Variants in COL22A1 observed in about 807,000 individuals in gnomAD.
COL22A1 encodes collagen type XXII alpha 1 chain.
A neutral mutation model predicts 248.9 loss-of-function variants in COL22A1; 221 were observed. The observed-to-expected ratio is 0.89, with a 90% CI of 0.80 to 0.99. The LOEUF (loss-of-function observed/expected upper bound fraction) is 0.99. Ranked by LOEUF, COL22A1 falls within the 50% of genes least tolerant of loss-of-function variation. The pLI is 0.00. For missense variants in COL22A1, 2,240 were observed against 2,179.0 expected, an observed-to-expected ratio of 1.03 and a Z score of -0.56; for synonymous variants, 891 against 793.4, an observed-to-expected ratio of 1.12 and a Z score of -2.07.
intron 12 of COL22A1, among the ~76,000 whole-genome samples, chr8:138,785,645 G>C (rs1478507201): frequency 6.6e-6 from 1 of 152,176 alleles, no homozygotes; most frequent in East Asian, 1.9e-4. Flanking sequence ...GATGGGATGG[G>C]CTCCTTTCTC....
Position 138,716,852 on chromosome 8 carries a change from C to A in COL22A1, c.2373G>T (p.Gln791His). 1 of 1,612,414 alleles carries A rather than the reference C, an allele frequency of 6.2e-7. No homozygotes were observed. The highest frequency in any genetic ancestry group is 8.5e-7 in the Non-Finnish European group (1 of 1,178,400). ...TCTCTCCAGGTCGGCCTGCCAGGCC[C>A]TGCTCCCCAATTTCTCCCTGAAAAT... is the stretch of plus-strand genomic sequence containing the variant. Reference protein sequence around the residue: ...KPGLRGEIGEQGLAGRPGEKG... With the variant: ...KPGLRGEIGEHGLAGRPGEKG... Residue 791 changes from glutamine (Q) to histidine (H), a missense_variant, in exon 28 of 65, where the codon CAG (glutamine) becomes CAT (histidine). By Grantham distance (24) the Gln-to-His change is conservative. Coordinates refer to ENST00000303045, the MANE Select transcript of COL22A1 (RefSeq NM_152888.3).
At chr8:138,648,913 G>A (rs1822443948) in intron 46 of COL22A1, among the ~76,000 whole-genome samples, 1 of 152,148 alleles carries the variant, frequency 6.6e-6, no homozygotes, top group African/African-American at 2.4e-5. Context: ...GACTTTATCT[G>A]CTTAGCTATA....
At chr8:138,824,722 ACTCTG>A (rs1819441534) in intron 6 of COL22A1, among the ~76,000 whole-genome samples, 2 of 152,104 alleles carry the variant, frequency 1.3e-5, no homozygotes, top group South Asian at 4.1e-4. Flanking sequence ...AACCAACACC[ACTCTG>A]CTCACAGTTC....
chr8:138,608,931 C>T (rs1818637548), intron 56 of COL22A1, among the ~76,000 whole-genome samples: 1 of 152,198 alleles, frequency 6.6e-6, no homozygotes, highest in Admixed American at 6.5e-5. Context: ...TTGTGTGTCT[C>T]CAATGCAGTG....
intron 4 of COL22A1, among the ~76,000 whole-genome samples, chr8:138,842,458 G>T (rs1261420203): frequency 1.3e-5 from 2 of 152,172 alleles, no homozygotes; most frequent in Non-Finnish European, 2.9e-5. Context: ...GTAAGAATTT[G>T]CTTTGAAGAC....
At chr8:138,783,003 G>A (rs1181973579) in intron 12 of COL22A1, among the ~76,000 whole-genome samples, 14 of 152,156 alleles carry the variant, frequency 9.2e-5, no homozygotes, top group Non-Finnish European at 1.5e-4. Context: ...TGACTTACTT[G>A]TAAGTTGCTT....
chr8:138,628,425 A>G (rs1304480735), intron 50 of COL22A1, among the ~76,000 whole-genome samples: 3 of 152,212 alleles, frequency 2.0e-5, no homozygotes, highest in African/African-American at 4.8e-5. Context: ...CATCTCTACT[A>G]AAAATACAAA....
intron 47 of COL22A1, among the ~76,000 whole-genome samples, chr8:138,644,391 C>T (rs1184221669): frequency 1.3e-5 from 2 of 152,054 alleles, no homozygotes; most frequent in African/African-American, 4.8e-5. Context: ...CGGCTGCCAC[C>T]ACTGTGACCG....
At chr8:138,806,634 G>C (rs775646615) in intron 10 of COL22A1, among the ~76,000 whole-genome samples, 2 of 152,174 alleles carry the variant, frequency 1.3e-5, no homozygotes, top group Non-Finnish European at 2.9e-5. Context: ...AATGCTGCTT[G>C]TCACGCAGGG....
intron 16 of COL22A1, among the ~76,000 whole-genome samples, chr8:138,771,528 C>T (rs1834365376): frequency 6.6e-6 from 1 of 152,208 alleles, no homozygotes; most frequent in Admixed American, 6.5e-5. Context: ...CGCAGTGTTC[C>T]TTGACTGAAC....
At chr8:138,695,777 G>A (rs577955184) in intron 32 of COL22A1, among the ~76,000 whole-genome samples, 1 of 152,104 alleles carries the variant, frequency 6.6e-6, no homozygotes, top group Non-Finnish European at 1.5e-5. Flanking sequence ...GTGATCCTCA[G>A]CCTGCAATTC....
chr8:138,755,254 C>T, intron 20 of COL22A1, 44 bp from the exon 21 acceptor site: 2 of 1,594,450 alleles, frequency 1.3e-6, no homozygotes, highest in Non-Finnish European at 1.7e-6. Context: ...GACTTTTCCC[C>T]CATATGATCA....
At chr8:138,693,557 C>G (rs1240337457) in intron 35 of COL22A1, 89 bp downstream of exon 35, 1 of 1,373,700 alleles carries the variant, frequency 7.3e-7, no homozygotes, top group Non-Finnish European at 1.0e-6. Flanking sequence ...CTAGCTAGCC[C>G]AGAGCTGTGA....
At chr8:138,658,258 C>G (rs1481564544) in intron 44 of COL22A1, among the ~76,000 whole-genome samples, 1 of 152,192 alleles carries the variant, frequency 6.6e-6, no homozygotes, top group East Asian at 1.9e-4. Context: ...AAGAAATGTC[C>G]AGGCTGCTGC....
At chr8:138,778,430 A>G (rs755159200) in intron 14 of COL22A1, 24 bp from the exon 15 acceptor site, 1 of 1,567,278 alleles carries the variant, frequency 6.4e-7, no homozygotes, top group South Asian at 1.2e-5. Flanking sequence ...TTTACAGAGT[A>G]AAGTTTCAGG....
At chr8:138,876,065 AC>A in intron 3 of COL22A1, among the ~76,000 whole-genome samples, 1 of 151,838 alleles carries the variant, frequency 6.6e-6, no homozygotes, top group South Asian at 2.1e-4. Context: ...ACCATGTCAT[AC>A]CCCCGCATAA....
rs770025846 is a variant in COL22A1 at position 138,619,519 on chromosome 8, G to A, written c.3772-11C>T. The A allele has an allele frequency of 1.2e-6, 2 of 1,613,536 alleles. No homozygotes were observed. The highest frequency in any genetic ancestry group is 1.7e-6 in the Non-Finnish European group (2 of 1,179,596). On this transcript the variant is annotated splice_polypyrimidine_tract_variant and intron_variant, in intron 52 of 64. Transcript: ENST00000303045. ...CTCTCCTGCTTTGCCCTGAGAGTAAGGAAGAAAAGAAGAGTTTGAGGACAA... is the reference window on the plus strand; with the variant it reads ...CTCTCCTGCTTTGCCCTGAGAGTAAAGAAGAAAAGAAGAGTTTGAGGACAA...
At chr8:138,654,994 G>A (rs1015292557) in intron 45 of COL22A1, among the ~76,000 whole-genome samples, 1 of 152,188 alleles carries the variant, frequency 6.6e-6, no homozygotes, top group African/African-American at 2.4e-5. Context: ...CAGGCTGTTT[G>A]ACTCTGCCGC....
intron 23 of COL22A1, among the ~76,000 whole-genome samples, chr8:138,728,053 G>T (rs925383547): frequency 1.3e-5 from 2 of 152,094 alleles, no homozygotes; most frequent in Admixed American, 1.3e-4. Context: ...TGTTTTTTGA[G>T]ATAGGGTCTT....
Sources: allele counts gnomAD v4.1 joint callset (sites outside exome capture counted in the v4.1 genomes callset), GRCh38; gene constraint gnomAD v4.1.1; transcripts MANE v1.5; gene names NCBI Gene and HGNC (gene_info 2026-07-23, HGNC 2026-07-21).